STARD13: variants seen among roughly 807,000 people sequenced by gnomAD.
STARD13 encodes the protein stAR-related lipid transfer protein 13.
In STARD13, 62 loss-of-function variants were observed where a neutral mutation model predicts 106.4. That is an observed-to-expected ratio of 0.58 (90% CI 0.48 to 0.72). The LOEUF (loss-of-function observed/expected upper bound fraction) is 0.72, where lower values mean the gene tolerates loss of function less well. STARD13 is among the 30% of genes least tolerant of loss of function. The probability of loss-of-function intolerance (pLI) is 0.00; values close to 1 mark genes in which losing one functional copy is unlikely to be tolerated. For synonymous variants in STARD13, 565 were observed against 553.0 expected (o/e 1.02, Z -0.31); for missense variants, 1,387 against 1,424.0 (o/e 0.97, Z 0.42).
chr13:33,438,450 C>T, the STARD13 span, among the ~76,000 whole-genome samples: 1 of 152,164 alleles, frequency 6.6e-6, no homozygotes, highest in South Asian at 2.1e-4. Context: ...GCTTATTTCC[C>T]ACTTAGCTGC....
At chr13:33,225,866 C>T (rs747099659) in intron 1 of STARD13, among the ~76,000 whole-genome samples, 1 of 152,128 alleles carries the variant, frequency 6.6e-6, no homozygotes, top group South Asian at 2.1e-4. Context: ...ATGGATTAAG[C>T]TCTGATATGG....
At chr13:33,527,644 C>T in the STARD13 span, among the ~76,000 whole-genome samples, 1 of 151,908 alleles carries the variant, frequency 6.6e-6, no homozygotes, top group Non-Finnish European at 1.5e-5. Flanking sequence ...TTCCTTTATT[C>T]ATCCTGTTCT....
At chr13:33,127,855 G>A (rs1358762468) in intron 5 of STARD13, among the ~76,000 whole-genome samples, 1 of 120,830 alleles carries the variant, frequency 8.3e-6, no homozygotes, top group East Asian at 2.4e-4. Flanking sequence ...GACAGTGTGT[G>A]TGTGAGTGAG....
intron 8 of STARD13, among the ~76,000 whole-genome samples, chr13:33,117,131 T>C (rs1041043772): frequency 6.6e-6 from 1 of 152,188 alleles, no homozygotes; most frequent in African/African-American, 2.4e-5. Flanking sequence ...TTTTCTGAGA[T>C]GGAGTCTCGC....
the STARD13 span, among the ~76,000 whole-genome samples, chr13:33,645,325 A>G: frequency 6.6e-6 from 1 of 152,186 alleles, no homozygotes; most frequent in African/African-American, 2.4e-5. Flanking sequence ...AGCCAGCATC[A>G]ACTGTCATCA....
At chr13:33,144,058 AT>A (rs1006361454) in intron 3 of STARD13, among the ~76,000 whole-genome samples, 3 of 152,062 alleles carry the variant, frequency 2.0e-5, no homozygotes, top group Non-Finnish European at 2.9e-5. Flanking sequence ...TTAACTATTA[AT>A]TTTTTTGTTA....
chr13:33,510,215 C>T, the STARD13 span, among the ~76,000 whole-genome samples: 1 of 152,132 alleles, frequency 6.6e-6, no homozygotes. Context: ...AAAAAAATGT[C>T]ATAACTTAGA....
At chr13:33,635,634 G>A in the STARD13 span, among the ~76,000 whole-genome samples, 4 of 150,258 alleles carry the variant, frequency 2.7e-5, no homozygotes, top group Admixed American at 6.7e-5. Context: ...CACCACTCCA[G>A]CCTGGGCGAG....
chr13:33,328,844 T>C (rs2077805177), intron 1 of STARD13, among the ~76,000 whole-genome samples: 1 of 152,214 alleles, frequency 6.6e-6, no homozygotes, highest in African/African-American at 2.4e-5. Context: ...TGATTTGTTA[T>C]GCAATAATTT....
At chr13:33,173,711 T>C (rs1170115220) in intron 1 of STARD13, among the ~76,000 whole-genome samples, 1 of 152,232 alleles carries the variant, frequency 6.6e-6, no homozygotes, top group Non-Finnish European at 1.5e-5. Context: ...TTTGGGATTA[T>C]TAATCACTGA....
At chr13:33,610,225 A>G in the STARD13 span, among the ~76,000 whole-genome samples, 1 of 152,302 alleles carries the variant, frequency 6.6e-6, no homozygotes, top group East Asian at 1.9e-4. Flanking sequence ...ACGTGGGAAC[A>G]ATATAGACAA....
intron 1 of STARD13, among the ~76,000 whole-genome samples, chr13:33,265,128 A>G (rs972406148): frequency 9.9e-5 from 15 of 152,130 alleles, no homozygotes; most frequent in Non-Finnish European, 1.6e-4. Context: ...AAGCTTCCTT[A>G]CTCATCTCAT....
At chr13:33,255,290 A>G (rs1241352724) in intron 1 of STARD13, among the ~76,000 whole-genome samples, 1 of 152,076 alleles carries the variant, frequency 6.6e-6, no homozygotes, top group Non-Finnish European at 1.5e-5. Flanking sequence ...CAGTGTCACA[A>G]CCCTTCTTGG....
At chr13:33,257,260 G>T (rs547016784) in intron 1 of STARD13, among the ~76,000 whole-genome samples, 9 of 152,280 alleles carry the variant, frequency 5.9e-5, no homozygotes, top group African/African-American at 2.2e-4. Flanking sequence ...GAAACACAGA[G>T]CTGGGCAGAG....
the STARD13 span, among the ~76,000 whole-genome samples, chr13:33,587,691 C>G: frequency 6.6e-6 from 1 of 152,270 alleles, no homozygotes; most frequent in East Asian, 1.9e-4. Flanking sequence ...TTCTGCATTT[C>G]TAACATTTTT....
the STARD13 span, among the ~76,000 whole-genome samples, chr13:33,427,284 A>G: frequency 6.6e-6 from 1 of 152,200 alleles, no homozygotes; most frequent in East Asian, 1.9e-4. Flanking sequence ...TCTATCCCAA[A>G]TGCCCATATT....
the STARD13 span, among the ~76,000 whole-genome samples, chr13:33,604,776 G>A: frequency 6.6e-6 from 1 of 151,128 alleles, no homozygotes; most frequent in South Asian, 2.1e-4. Context: ...TCCAGCCCGA[G>A]GGACAGAGCA....
At chr13:33,306,148 G>C (rs1298490125) in intron 1 of STARD13, among the ~76,000 whole-genome samples, 2 of 152,064 alleles carry the variant, frequency 1.3e-5, no homozygotes, top group Non-Finnish European at 2.9e-5. Context: ...AATGGAACAG[G>C]ATAAAGATCC....
Position 33,234,343 on chromosome 13 carries a change from C to T in STARD13, c.169+51127G>A, listed in dbSNP as rs182009059. On this transcript the variant is annotated intron_variant, in intron 1 of 13. Transcript: ENST00000336934. The stretch of plus-strand genomic sequence containing the variant: ...TCCTGAGGATACAGGAACAGAGTCC[C>T]AGCTATTTTCAAAGGTAAGAACCAG... Among the ~76,000 whole-genome samples, 74 of 152,292 alleles carry T rather than the reference C, an allele frequency of 4.9e-4. 1 individual carries two copies. The highest frequency in any genetic ancestry group is 1.7e-3 in the African/African-American group (71 of 41,544).
Sources: allele counts gnomAD v4.1 joint callset (sites outside exome capture counted in the v4.1 genomes callset), GRCh38; gene constraint gnomAD v4.1.1; transcripts MANE v1.5; gene names NCBI Gene and HGNC (gene_info 2026-07-23, HGNC 2026-07-21).